NOTCH2NLC: variants seen among roughly 807,000 people sequenced by gnomAD.
NOTCH2NLC encodes the protein notch homolog 2 N-terminal-like protein C.
Under a neutral mutation model 17.7 loss-of-function variants are expected in NOTCH2NLC, and 4 were observed. The observed-to-expected ratio is 0.23, with a 90% CI of 0.11 to 0.52. NOTCH2NLC has a LOEUF of 0.52. NOTCH2NLC is among the 20% of genes least tolerant of loss of function. The probability of loss-of-function intolerance (pLI) is 0.96; values close to 1 mark genes in which losing one functional copy is unlikely to be tolerated. For synonymous variants in NOTCH2NLC, 18 were observed against 86.0 expected (o/e 0.21, Z 4.38); for missense variants, 57 against 207.2 (o/e 0.28, Z 4.45).
At chr1:149,414,663 C>T (rs1405729060) in intron 1 of NOTCH2NLC, among the ~76,000 whole-genome samples, 2 of 150,488 alleles carry the variant, frequency 1.3e-5, no homozygotes, top group Non-Finnish European at 3.0e-5. Flanking sequence ...TTTTTTAGCC[C>T]ATAAATATGG....
chr1:149,449,790 CTA>C (rs1412015041), intron 2 of NOTCH2NLC, among the ~76,000 whole-genome samples: 1 of 151,398 alleles, frequency 6.6e-6, no homozygotes, highest in African/African-American at 2.4e-5. Flanking sequence ...TAGTCACTGT[CTA>C]TTTCCCTTTC....
rs2084675634 is a variant in NOTCH2NLC, at chr1:149,464,828, T to A, written c.*675T>A. 1 of 151,064 alleles carries A rather than the reference T, an allele frequency of 6.6e-6. No individual in the cohort carries two copies. Among genetic ancestry groups the A allele is most frequent in the African/African-American group, 2.4e-5 (1 of 41,072 alleles). 9.4% of individuals were successfully genotyped at this position (151,064 alleles called of 1,614,324 possible). On this transcript the variant is annotated 3_prime_UTR_variant, in exon 5 of 5. Transcript: ENST00000650865. ...TAAGCAGAATTGCCTCCAAAAGAAG[T>A]TGTTCTAGTTACTCTTTCAGAGTGG...
At chr1:149,463,050 G>T (rs1486228889) in intron 3 of NOTCH2NLC, among the ~76,000 whole-genome samples, 11 of 149,060 alleles carry the variant, frequency 7.4e-5, no homozygotes, top group African/African-American at 2.7e-4. Context: ...TGGCCGGGCT[G>T]GTCTTGAACT....
intron 1 of NOTCH2NLC, among the ~76,000 whole-genome samples, chr1:149,415,674 T>A (rs1262609335): frequency 7.1e-6 from 1 of 141,098 alleles, no homozygotes; most frequent in Non-Finnish European, 1.6e-5. Flanking sequence ...ACAGTGTCAT[T>A]TTAACATAAG....
At chr1:149,442,028 T>C (rs1228662886) in intron 2 of NOTCH2NLC, among the ~76,000 whole-genome samples, 2 of 145,002 alleles carry the variant, frequency 1.4e-5, no homozygotes, top group Non-Finnish European at 3.1e-5. Context: ...CCCAGACCGT[T>C]GTCTTACATA....
At chr1:149,435,927 G>A (rs1214502005) in intron 2 of NOTCH2NLC, among the ~76,000 whole-genome samples, 1 of 150,138 alleles carries the variant, frequency 6.7e-6, no homozygotes, top group Non-Finnish European at 1.5e-5. Context: ...AACTGTAAAT[G>A]TGGGTTTCAT....
chr1:149,460,761 C>CGGAG (rs2084639923), intron 3 of NOTCH2NLC, among the ~76,000 whole-genome samples: 1 of 149,092 alleles, frequency 6.7e-6, no homozygotes, highest in Non-Finnish European at 1.5e-5. Flanking sequence ...AGCTCATCTC[C>CGGAG]ACTCAGAGAT....
intron 1 of NOTCH2NLC, among the ~76,000 whole-genome samples, chr1:149,424,130 T>C (rs2084397651): frequency 6.6e-6 from 1 of 151,234 alleles, no homozygotes; most frequent in Non-Finnish European, 1.5e-5. Context: ...ATGAATAAAT[T>C]TCTGAGGCGC....
intron 1 of NOTCH2NLC, among the ~76,000 whole-genome samples, chr1:149,429,991 A>G (rs1386778090): frequency 6.6e-6 from 1 of 150,942 alleles, no homozygotes; most frequent in Admixed American, 6.6e-5. Flanking sequence ...AGGATTCTTG[A>G]TATGTATTTT....
chr1:149,400,068 T>C (rs2101464682), intron 1 of NOTCH2NLC, among the ~76,000 whole-genome samples: 1 of 147,270 alleles, frequency 6.8e-6, no homozygotes, highest in Admixed American at 6.8e-5. Context: ...TTGGTATACG[T>C]CTTTGGTTTT....
rs1286038884 is a variant in NOTCH2NLC at position 149,469,027 on chromosome 1, C to T, written c.*4874C>T. Among the ~76,000 whole-genome samples the T allele has an allele frequency of 9.3e-6, 1 of 107,008 alleles. No individual in the cohort carries two copies. Among genetic ancestry groups the T allele is most frequent in the Non-Finnish European group, 1.8e-5 (1 of 55,000 alleles). The allele number at this position is 107,008 out of a possible 152,430, so 70.2% of individuals were successfully genotyped here. The stretch of plus-strand genomic sequence containing the variant: ...TCTCCCAGGCTGGAGTGCAATGGTG[C>T]TATCTCGGCTCACTGCAACCTCCAC... On this transcript the variant is annotated 3_prime_UTR_variant, in exon 5 of 5. Coordinates refer to ENST00000650865, the MANE Select transcript of NOTCH2NLC (RefSeq NM_001364013.2).
chr1:149,392,326 C>CA, intron 1 of NOTCH2NLC, among the ~76,000 whole-genome samples: 1 of 100,486 alleles, frequency 1.0e-5, no homozygotes, highest in Non-Finnish European at 2.0e-5. Flanking sequence ...AACAGTCAGT[C>CA]GACATGTCAA....
rs1263189343 is a variant in NOTCH2NLC, at chr1:149,470,098, CAT to C, written c.*5948_*5949del. On this transcript the variant is annotated 3_prime_UTR_variant, in exon 5 of 5. Transcript: ENST00000650865. ...AAGGGAACTCCGGGATCCCAGAAAA[CAT>C]ATGGACTGCAATTGGGTAAAGTTTC... 1.3e-4 allele frequency among the ~76,000 whole-genome samples: 20 copies of C among 151,552 alleles called. No individual in the cohort carries two copies. Among genetic ancestry groups the C allele is most frequent in the Admixed American group, 7.2e-4 (11 of 15,182 alleles).
intron 1 of NOTCH2NLC, among the ~76,000 whole-genome samples, chr1:149,424,662 G>GCTCTAA (rs1235185139): frequency 1.3e-5 from 2 of 150,754 alleles, no homozygotes; most frequent in Non-Finnish European, 3.0e-5. Context: ...AGTCTGTTTT[G>GCTCTAA]CATTGCTCTA....
chr1:149,424,347 T>C (rs1352983137), intron 1 of NOTCH2NLC, among the ~76,000 whole-genome samples: 7 of 150,510 alleles, frequency 4.7e-5, no homozygotes, highest in African/African-American at 1.7e-4. Flanking sequence ...CAAGGGTATA[T>C]ATTGGCAATT....
chr1:149,412,551 C>A (rs1287337686), intron 1 of NOTCH2NLC, among the ~76,000 whole-genome samples: 1 of 143,070 alleles, frequency 7.0e-6, no homozygotes, highest in Non-Finnish European at 1.5e-5. Context: ...GTGGCTCATG[C>A]CTGTAATCCC....
Position 149,466,599 on chromosome 1 carries a change from CTTCCATTGCCCTTCA to C in NOTCH2NLC, c.*2456_*2470del, listed in dbSNP as rs2084685680. The C allele has an allele frequency of 7.1e-6, 1 of 140,620 alleles. No homozygotes were observed. Among genetic ancestry groups the C allele is most frequent in the Non-Finnish European group, 1.6e-5 (1 of 63,752 alleles). 8.7% of individuals were successfully genotyped at this position (140,620 alleles called of 1,614,324 possible). On this transcript the variant is annotated 3_prime_UTR_variant, in exon 5 of 5. Coordinates refer to ENST00000650865, the MANE Select transcript of NOTCH2NLC (RefSeq NM_001364013.2). ...TCCTTTTCATAATGCAGTGCCCTTC[CTTCCATTGCCCTTCA>C]TTCCATTGCTTCCCATGCTTGTCAA...
chr1:149,427,492 C>CTTTT (rs1171198772), intron 1 of NOTCH2NLC, among the ~76,000 whole-genome samples: 15 of 87,342 alleles, frequency 1.7e-4, no homozygotes, highest in South Asian at 4.2e-4. Flanking sequence ...TCTACCACAG[C>CTTTT]TTTTTTTTTT....
chr1:149,395,530 G>A (rs1375689810), intron 1 of NOTCH2NLC, among the ~76,000 whole-genome samples: 15 of 150,280 alleles, frequency 1.0e-4, no homozygotes, highest in Non-Finnish European at 1.6e-4. Flanking sequence ...CACTTCAAAG[G>A]CACTGCCACC....
Sources: gnomAD v4.1 joint callset for allele counts (sites outside exome capture counted in the v4.1 genomes callset) on GRCh38, gnomAD v4.1.1 for gene constraint, MANE v1.5 for transcripts, NCBI Gene and HGNC (gene_info 2026-07-23, HGNC 2026-07-21) for gene names.